C1RL: variants seen among roughly 807,000 people sequenced by gnomAD.
C1RL encodes complement C1r subcomponent like.
A neutral mutation model predicts 27.9 loss-of-function variants in C1RL; 27 were observed. The observed-to-expected ratio is 0.97, with a 90% CI of 0.71 to 1.33. The LOEUF (loss-of-function observed/expected upper bound fraction) is 1.33, where lower values mean the gene tolerates loss of function less well. C1RL is among the 40% of genes most tolerant of loss of function. The pLI, the probability that C1RL is intolerant of heterozygous loss-of-function variation, is 0.00. For missense variants in C1RL, 563 were observed against 623.9 expected (o/e 0.90, Z 1.04); for synonymous variants, 248 against 252.1 (o/e 0.98, Z 0.15).
chr12:7,097,394 C>T (rs1938482904), intron 5 of C1RL: 1 of 491,504 alleles, frequency 2.0e-6, no homozygotes, highest in Non-Finnish European at 3.6e-6. Context: ...GCAATTCTGC[C>T]TCAGCCTCCC....
At chr12:7,101,304 C>G (rs947924696) in intron 3 of C1RL, among the ~76,000 whole-genome samples, 7 of 149,790 alleles carry the variant, frequency 4.7e-5, no homozygotes, top group Non-Finnish European at 8.9e-5. Context: ...CTAGTTTCTC[C>G]GTGTCTCCCA....
At chr12:7,108,924 GTGCTGCTGC>G (rs113832615) in intron 1 of C1RL, 177 bp downstream of exon 1, 48 of 586,206 alleles carry the variant, frequency 8.2e-5, no homozygotes, top group South Asian at 2.1e-4. Flanking sequence ...AATATCTGCT[GTGCTGCTGC>G]TGCTGCTGCT....
chr12:7,099,477 T>G, intron 5 of C1RL: 1 of 983,868 alleles, frequency 1.0e-6, no homozygotes, highest in Non-Finnish European at 1.2e-6. Flanking sequence ...CCTTCATGCT[T>G]TTCCTCAGAT....
At chr12:7,105,465 T>C (rs1404796444) in intron 2 of C1RL, among the ~76,000 whole-genome samples, 1 of 152,184 alleles carries the variant, frequency 6.6e-6, no homozygotes, top group Non-Finnish European at 1.5e-5. Flanking sequence ...AGACGGGGTT[T>C]CACCATGTTG....
Position 7,108,881 on chromosome 12 carries a change from A to G in C1RL, c.71+229T>C, listed in dbSNP as rs1007653662. 4 of 548,304 alleles carry G rather than the reference A, an allele frequency of 7.3e-6. No individual in the cohort carries two copies. In the African/African-American group the frequency reaches 7.7e-5, roughly 11 times the overall value. The allele number at this position is 548,304 out of a possible 1,614,324, so 34.0% of individuals were successfully genotyped here. A position where few individuals can be genotyped will look rare whatever the true frequency, so the allele number is the denominator to read the frequency against. ...CCCGACCACCCTCTGGGAAGGTGCT[A>G]GAGGCCACAGGCAAATTTCAGTCTC... On this transcript the variant is annotated intron_variant, in intron 1 of 5. Transcript: ENST00000266542.
chr12:7,096,707 C>G lies in C1RL; in HGVS notation c.1148G>C (p.Gly383Ala). ...GYVSGFGMEM[G>A]WLTTELKYSR... The stretch of plus-strand genomic sequence containing the variant: ...GTACTTCAGCTCAGTAGTTAGCCAG[C>G]CCATCTCCATGCCAAACCCACTGAC... Residue 383 changes from glycine (G) to alanine (A), a missense_variant, in exon 6 of 6, where the codon GGC becomes GCC. Physicochemically the swap from Gly to Ala is moderately conservative, Grantham distance 60 (BLOSUM62 0). Coordinates refer to ENST00000266542, the MANE Select transcript of C1RL (RefSeq NM_016546.4). 6.2e-7 allele frequency: 1 copy of G among 1,613,952 alleles called. No individual in the cohort carries two copies. Among genetic ancestry groups the G allele is most frequent in the Non-Finnish European group, 8.5e-7 (1 of 1,179,926 alleles).
Position 7,102,034 on chromosome 12 carries a change from A to AG in C1RL, c.353dup (p.Leu119SerfsTer50), listed in dbSNP as rs1938641960. On this transcript the variant is annotated frameshift_variant, in exon 3 of 6. Coordinates refer to ENST00000266542, the MANE Select transcript of C1RL (RefSeq NM_016546.4). LOFTEE classifies it high-confidence loss of function. ...CCCTCTGACCAGGGGGCCTGCCCAGAGGGGAGCCTTGCTGACCACAGAACT... is the reference window on the plus strand; with the variant it reads ...CCCTCTGACCAGGGGGCCTGCCCAGAGGGGGAGCCTTGCTGACCACAGAACT... 6.2e-7 allele frequency: 1 copy of AG among 1,613,994 alleles called. No individual in the cohort carries two copies. The highest frequency in any genetic ancestry group is 2.2e-5 in the East Asian group (1 of 44,882).
chr12:7,105,094 G>A lies in C1RL; in HGVS notation c.301-3007C>T, dbSNP rs117574908. Among the ~76,000 whole-genome samples, 12 of 152,320 alleles carry A rather than the reference G, an allele frequency of 7.9e-5. No individual in the cohort carries two copies. The East Asian group carries it at 2.3e-3, about 29-fold the overall frequency. On this transcript the variant is annotated intron_variant, in intron 2 of 5. Transcript: ENST00000266542. ...GGTCCCTGAGCTGGAATCTGCAGGA[G>A]TCCTCTCAGGGGAAACTGGCTGCCC...
At chr12:7,099,460 T>G in intron 5 of C1RL, 1 of 984,542 alleles carries the variant, frequency 1.0e-6, no homozygotes, top group Non-Finnish European at 1.2e-6. Flanking sequence ...GTCCATCTCA[T>G]GAACGTCCTT....
rs1389065228 is a variant in C1RL, at chr12:7,096,288, C to G, written c.*103G>C. 2 of 1,022,974 alleles carry G rather than the reference C, an allele frequency of 2.0e-6. No individual in the cohort carries two copies. Among genetic ancestry groups the G allele is most frequent in the East Asian group, 7.0e-5 (1 of 14,278 alleles). The allele number at this position is 1,022,974 out of a possible 1,614,324, so 63.4% of individuals were successfully genotyped here. The stretch of plus-strand genomic sequence containing the variant: ...AATAGGATTTCCCTGCCTCCCCCAA[C>G]CCCCCACCCCCAACCCCTACCCCAG... On this transcript the variant is annotated 3_prime_UTR_variant, in exon 6 of 6. Coordinates refer to ENST00000266542, the MANE Select transcript of C1RL (RefSeq NM_016546.4).
intron 4 of C1RL, 54 bp from the exon 5 acceptor site, chr12:7,099,814 G>T (rs1237415058): frequency 6.2e-7 from 1 of 1,612,272 alleles, no homozygotes; most frequent in Non-Finnish European, 8.5e-7. Flanking sequence ...GAAGCTGTTG[G>T]TTAACGAAGC....
rs571135185 is a variant in C1RL, at chr12:7,095,930, A to C, written c.*461T>G. 3.0e-6 allele frequency: 3 copies of C among 988,600 alleles called. No individual in the cohort carries two copies. Among genetic ancestry groups the C allele is most frequent in the East Asian group, 1.1e-4 (1 of 8,894 alleles). The allele number at this position is 988,600 out of a possible 1,614,324, so 61.2% of individuals were successfully genotyped here. A position where few individuals can be genotyped will look rare whatever the true frequency, so the allele number is the denominator to read the frequency against. On this transcript the variant is annotated 3_prime_UTR_variant, in exon 6 of 6. Transcript: ENST00000266542. ...ATCTTGGAGCTGCAGAATAGCTTGA[A>C]TATTTGAAGGTCAACTAAAGGGTCT...
intron 1 of C1RL, 112 bp from the exon 2 acceptor site, chr12:7,108,591 C>A: frequency 1.2e-6 from 1 of 819,228 alleles, no homozygotes; most frequent in East Asian, 2.7e-5. Flanking sequence ...CGAGGCAGGG[C>A]TAGAAGCTGT....
intron 5 of C1RL, chr12:7,098,189 T>G (rs1938510667): frequency 6.6e-6 from 1 of 152,198 alleles, no homozygotes; most frequent in African/African-American, 2.4e-5. Context: ...GAGAATGGCT[T>G]GAACCCGGGA....
In C1RL at chr12:7,099,956, G is replaced by A. The variant is rs1215965696; in HGVS notation, c.561C>T (p.Asn187=). 2 of 1,614,050 alleles carry A rather than the reference G, an allele frequency of 1.2e-6. No individual in the cohort carries two copies. The highest frequency in any genetic ancestry group is 1.6e-4 in the Middle Eastern group (1 of 6,062). Residue 187 remains asparagine (N), a synonymous_variant, in exon 4 of 6, where the codon AAC becomes AAT. Coordinates refer to ENST00000266542, the MANE Select transcript of C1RL (RefSeq NM_016546.4). ...GGCAGTGGTTCTGGACCTTGGCAGG[G>A]TTGTCTCCAGGTGCGTTGATGGCCT... ...GSEAINAPGD[N]PAKVQNHCQE... is the part of the protein sequence containing the mutation.
In C1RL at chr12:7,108,490, G is replaced by T. The variant is rs111395419; in HGVS notation, c.72-11C>A. On this transcript the variant is annotated splice_polypyrimidine_tract_variant and intron_variant, in intron 1 of 5. Coordinates refer to ENST00000266542, the MANE Select transcript of C1RL (RefSeq NM_016546.4). ...AGAAGCAGCCACCACCTGTGAGTTG[G>T]GGGGAGGGCAAGGTGGGGCCGCGCA... The T allele has an allele frequency of 5.7e-6, 9 of 1,572,094 alleles. No homozygotes were observed. The East Asian group carries it at 9.1e-5, about 16-fold the overall frequency.
chr12:7,103,194 A>G (rs1238070486), intron 2 of C1RL, among the ~76,000 whole-genome samples: 1 of 152,218 alleles, frequency 6.6e-6, no homozygotes, highest in Admixed American at 6.5e-5. Flanking sequence ...GGAAGAAGCA[A>G]TTTGATGTAG....
chr12:7,109,013 G>A lies in C1RL; in HGVS notation c.71+97C>T, dbSNP rs188777281. On this transcript the variant is annotated intron_variant, in intron 1 of 5. Coordinates refer to ENST00000266542, the MANE Select transcript of C1RL (RefSeq NM_016546.4). ...TGGGGGGGGGGGGGATGTGTGTGTG[G>A]GGGGGGTAGGGTGGGGGGAGGGAGG... is the stretch of plus-strand genomic sequence containing the variant. The A allele has an allele frequency of 2.9e-5, 12 of 415,536 alleles. No individual in the cohort carries two copies. The African/African-American group carries it at 5.8e-4, about 20-fold the overall frequency. The allele number at this position is 415,536 out of a possible 1,614,324, so 25.7% of individuals were successfully genotyped here.
At position 7,095,349 on chromosome 12, in the gene C1RL, C is replaced by T. The variant is rs997158702; in HGVS notation, c.*1042G>A. ...CAGGATGGGCTGGATCTCCTGACCT[C>T]GTGATCCACCCACCTCGGACTCCTA... is the stretch of plus-strand genomic sequence containing the variant. On this transcript the variant is annotated 3_prime_UTR_variant, in exon 6 of 6. Coordinates refer to ENST00000266542, the MANE Select transcript of C1RL (RefSeq NM_016546.4). The T allele has an allele frequency of 2.7e-5, 27 of 987,484 alleles. No individual in the cohort carries two copies. The highest frequency in any genetic ancestry group is 3.1e-5 in the Non-Finnish European group (25 of 811,124). The allele number at this position is 987,484 out of a possible 1,614,324, so 61.2% of individuals were successfully genotyped here.
Sources: allele counts gnomAD v4.1 joint callset (sites outside exome capture counted in the v4.1 genomes callset), GRCh38; gene constraint gnomAD v4.1.1; transcripts MANE v1.5; gene names NCBI Gene and HGNC (gene_info 2026-07-23, HGNC 2026-07-21).